The following B4GALNT3 variants were observed in gnomAD, a reference collection of about 807,000 sequenced individuals.
B4GALNT3 encodes beta-1,4-N-acetyl-galactosaminyltransferase 3.
Under a neutral mutation model 120.2 loss-of-function variants are expected in B4GALNT3, and 86 were observed. The ratio of observed to expected loss-of-function variants is 0.72; its 90% CI spans 0.60 to 0.86. B4GALNT3 has a LOEUF of 0.86. B4GALNT3 is among the 40% of genes least tolerant of loss of function. The probability of loss-of-function intolerance (pLI) is 0.00; values close to 1 mark genes in which losing one functional copy is unlikely to be tolerated. For synonymous variants in B4GALNT3, 518 were observed against 510.4 expected, an observed-to-expected ratio of 1.01 and a Z score of -0.20; for missense variants, 1,167 against 1,298.9, an observed-to-expected ratio of 0.90 and a Z score of 1.56.
rs113112421 is a variant in B4GALNT3, at chr12:492,152, A to C, written c.169+31607A>C. ...TCTAATGCAATAAGACAAGAAAAGG[A>C]AAAAAAGGTATACAGGTTGAGAAGG... On this transcript the variant is annotated intron_variant, in intron 1 of 19. Coordinates refer to ENST00000266383, the MANE Select transcript of B4GALNT3 (RefSeq NM_173593.4). 1.7e-3 allele frequency among the ~76,000 whole-genome samples: 266 copies of C among 152,190 alleles called. 2 individuals carry two copies. The highest frequency in any genetic ancestry group is 6.0e-3 in the African/African-American group (248 of 41,534).
At chr12:466,111 G>T (rs1946076260) in intron 1 of B4GALNT3, among the ~76,000 whole-genome samples, 1 of 150,214 alleles carries the variant, frequency 6.7e-6, no homozygotes, top group Non-Finnish European at 1.5e-5. Flanking sequence ...GCTTGATGGT[G>T]CTGGGGCTGC....
intron 1 of B4GALNT3, among the ~76,000 whole-genome samples, chr12:484,782 G>C (rs1946273992): frequency 7.5e-6 from 1 of 133,378 alleles, no homozygotes; most frequent in South Asian, 2.8e-4. Context: ...GAAGTCTACA[G>C]GAAAGAGGAG....
intron 1 of B4GALNT3, among the ~76,000 whole-genome samples, chr12:471,941 T>C (rs904722032): frequency 2.0e-5 from 3 of 152,236 alleles, no homozygotes; most frequent in East Asian, 3.8e-4. Flanking sequence ...CAGTTTGTCA[T>C]ACTTCATCTA....
intron 1 of B4GALNT3, among the ~76,000 whole-genome samples, chr12:482,676 A>G (rs1482338596): frequency 6.6e-6 from 1 of 152,188 alleles, no homozygotes; most frequent in African/African-American, 2.4e-5. Context: ...AGAGAGGCAC[A>G]GAGGGCTTCA....
At position 554,916 on chromosome 12, in the gene B4GALNT3, G is replaced by T. The variant is rs192960562; in HGVS notation, c.2060+933G>T. Among the ~76,000 whole-genome samples the T allele has an allele frequency of 2.6e-5, 4 of 151,046 alleles. No homozygotes were observed. The Admixed American group carries it at 2.6e-4, about 10-fold the overall frequency. On this transcript the variant is annotated intron_variant, in intron 14 of 19. Transcript: ENST00000266383. The stretch of plus-strand genomic sequence containing the variant: ...ATACTGGCCAGACGCAGTGGCTCAC[G>T]CCTCTAATCCCAACACTTTGGGAGA...
At position 553,624 on chromosome 12, in the gene B4GALNT3, G is replaced by T. The variant is rs770466180; in HGVS notation, c.1701G>T (p.Ser567=). 8.1e-6 allele frequency: 13 copies of T among 1,613,892 alleles called. No homozygotes were observed. The Admixed American group carries it at 2.2e-4, about 27-fold the overall frequency. Residue 567 remains serine, a synonymous_variant, in exon 14 of 20, where the codon TCG becomes TCT. Transcript: ENST00000266383. ...RKTQWLNQVE[S]YIAEQRRGDR... is the part of the protein sequence containing the mutation. The stretch of plus-strand genomic sequence containing the variant: ...CTCAGTGGCTGAACCAGGTGGAGTC[G>T]TACATCGCAGAGCAGAGACGGGGTG...
chr12:557,642 C>T lies in B4GALNT3; in HGVS notation c.2415C>T (p.Ile805=). ...AGGCACGCTGGGTACAGCAATTCAT[C>T]AAAGACATGGAAAACCTGTTCCAGG... ...KNQARWVQQF[I]KDMENLFQVT... Residue 805 remains isoleucine (I), a synonymous_variant, in exon 16 of 20, where the codon ATC becomes ATT. Coordinates refer to ENST00000266383, the MANE Select transcript of B4GALNT3 (RefSeq NM_173593.4). 6.2e-7 allele frequency: 1 copy of T among 1,611,856 alleles called. No homozygotes were observed. Among genetic ancestry groups the T allele is most frequent in the Non-Finnish European group, 8.5e-7 (1 of 1,179,316 alleles).
chr12:515,073 G>T (rs1211137059), intron 1 of B4GALNT3, among the ~76,000 whole-genome samples: 1 of 152,174 alleles, frequency 6.6e-6, no homozygotes, highest in Non-Finnish European at 1.5e-5. Flanking sequence ...TGAGTTCCTG[G>T]CTCCACAACT....
At chr12:513,528 A>C (rs989213436) in intron 1 of B4GALNT3, among the ~76,000 whole-genome samples, 1 of 152,148 alleles carries the variant, frequency 6.6e-6, no homozygotes, top group East Asian at 1.9e-4. Context: ...TTTTATCACC[A>C]TCTTGGTTTT....
At chr12:462,793 G>T (rs545341486) in intron 1 of B4GALNT3, among the ~76,000 whole-genome samples, 1 of 152,264 alleles carries the variant, frequency 6.6e-6, no homozygotes, top group Non-Finnish European at 1.5e-5. Flanking sequence ...TGTGGTTTCT[G>T]CCTCCTTGTC....
rs368915365 is a variant in B4GALNT3, at chr12:488,843, A to G, written c.169+28298A>G. On this transcript the variant is annotated intron_variant, in intron 1 of 19. Transcript: ENST00000266383. Reference sequence around the variant, plus strand: ...AAAAAGAAAAGAAAGAAAAGAAAAAAGAAAGCAGATGTGGTTTACTTGTAT... The same window carrying G: ...AAAAAGAAAAGAAAGAAAAGAAAAAGGAAAGCAGATGTGGTTTACTTGTAT... Among the ~76,000 whole-genome samples, 86 of 152,088 alleles carry G rather than the reference A, an allele frequency of 5.7e-4. 2 individuals are homozygous for G. In the South Asian group the frequency reaches 0.016, roughly 29 times the overall value.
intron 1 of B4GALNT3, among the ~76,000 whole-genome samples, chr12:529,496 A>G (rs1340408244): frequency 1.3e-5 from 2 of 152,160 alleles, no homozygotes; most frequent in African/African-American, 4.8e-5. Context: ...AATCTAACTC[A>G]TTTGGGGCCG....
intron 1 of B4GALNT3, among the ~76,000 whole-genome samples, chr12:468,085 T>C (rs1257008707): frequency 6.6e-6 from 1 of 152,268 alleles, no homozygotes; most frequent in East Asian, 1.9e-4. Flanking sequence ...CCAGTTTATG[T>C]CATCTTATCT....
At chr12:493,292 A>G (rs543795151) in intron 1 of B4GALNT3, among the ~76,000 whole-genome samples, 1 of 152,264 alleles carries the variant, frequency 6.6e-6, no homozygotes, top group Non-Finnish European at 1.5e-5. Context: ...AGATATAAAC[A>G]TAGCAAGTAA....
chr12:497,425 G>A (rs1053288030), intron 1 of B4GALNT3, among the ~76,000 whole-genome samples: 1 of 152,210 alleles, frequency 6.6e-6, no homozygotes, highest in Non-Finnish European at 1.5e-5. Flanking sequence ...TTACAGGCGT[G>A]AGCCACTGCA....
intron 1 of B4GALNT3, among the ~76,000 whole-genome samples, chr12:500,799 T>C (rs2120536810): frequency 6.6e-6 from 1 of 151,206 alleles, no homozygotes; most frequent in Middle Eastern, 3.4e-3. Flanking sequence ...AATGCCCGTA[T>C]TATGGTGCTG....
At position 549,750 on chromosome 12, in the gene B4GALNT3, CT is replaced by C. The variant is rs1565609506; in HGVS notation, c.854-16del. 3.7e-6 allele frequency: 6 copies of C among 1,613,616 alleles called. No homozygotes were observed. The highest frequency in any genetic ancestry group is 5.1e-6 in the Non-Finnish European group (6 of 1,179,984). ...TCCAGGCCACACAGCCTCCTGCTTTCTTTCCTCCCTGCGCCCAGATGAGACG... is the reference window on the plus strand; with the variant it reads ...TCCAGGCCACACAGCCTCCTGCTTTCTTCCTCCCTGCGCCCAGATGAGACG... On this transcript the variant is annotated intron_variant, in intron 9 of 19. Coordinates refer to ENST00000266383, the MANE Select transcript of B4GALNT3 (RefSeq NM_173593.4).
At chr12:519,810 C>T (rs1946688991) in intron 1 of B4GALNT3, among the ~76,000 whole-genome samples, 1 of 152,188 alleles carries the variant, frequency 6.6e-6, no homozygotes, top group South Asian at 2.1e-4. Context: ...ACTGCAGTCT[C>T]ATCAGCAAAA....
At chr12:512,920 T>TTCC (rs1946608269) in intron 1 of B4GALNT3, among the ~76,000 whole-genome samples, 1 of 108,792 alleles carries the variant, frequency 9.2e-6, no homozygotes, top group African/African-American at 3.4e-5. Context: ...TTCCACCTTC[T>TTCC]GCCTTCCACC....
Sources: allele counts gnomAD v4.1 joint callset (sites outside exome capture counted in the v4.1 genomes callset), GRCh38; gene constraint gnomAD v4.1.1; transcripts MANE v1.5; gene names NCBI Gene and HGNC (gene_info 2026-07-23, HGNC 2026-07-21).